PUDP: variants seen among roughly 807,000 people sequenced by gnomAD.
PUDP encodes pseudouridine-5'-phosphatase.
A neutral mutation model predicts 9.4 loss-of-function variants in PUDP; 8 were observed. That is an observed-to-expected ratio of 0.85 (90% confidence interval 0.50 to 1.53). The LOEUF (loss-of-function observed/expected upper bound fraction) is 1.53. Among genes scored for constraint, PUDP ranks in the 40% most tolerant of loss-of-function variants. The probability of loss-of-function intolerance (pLI) is 0.00; values close to 1 mark genes in which losing one functional copy is unlikely to be tolerated. For synonymous variants in PUDP, 99 were observed against 80.7 expected, an observed-to-expected ratio of 1.23 and a Z score of -1.22; for missense variants, 188 against 189.7, an observed-to-expected ratio of 0.99 and a Z score of 0.05.
At chrX:7,086,561 C>T (rs1931269137) in intron 2 of PUDP, among the ~76,000 whole-genome samples, 1 of 112,300 alleles carries the variant, frequency 8.9e-6, no homozygotes, top group South Asian at 3.7e-4. Flanking sequence ...AGAGCCATGC[C>T]TCAGGCTATC....
intron 1 of PUDP, among the ~76,000 whole-genome samples, chrX:7,119,395 T>C (rs1169240464): frequency 8.9e-6 from 1 of 112,751 alleles, no homozygotes; most frequent in African/African-American, 3.2e-5. Context: ...TGAGCCTGCA[T>C]GTAAATGCTA....
chrX:6,798,115 T>C (rs1925872823), intron 3 of PUDP, among the ~76,000 whole-genome samples: 1 of 111,947 alleles, frequency 8.9e-6, no homozygotes, highest in East Asian at 2.8e-4. Context: ...AAAGACTGGG[T>C]AATTTATAAA....
At chrX:6,962,423 TA>T (rs11296212) in intron 3 of PUDP, among the ~76,000 whole-genome samples, 37,754 of 110,971 alleles carry the variant, frequency 0.34, 4,970 homozygotes, top group Non-Finnish European at 0.41. Flanking sequence ...ATCTTCCTTA[TA>T]AAATAGAAGA....
chrX:7,145,859 C>T (rs952268958), intron 1 of PUDP, among the ~76,000 whole-genome samples: 2 of 111,372 alleles, frequency 1.8e-5, no homozygotes, highest in African/African-American at 3.3e-5. Context: ...TCAAAATTCC[C>T]GAAAAACAGA....
chrX:7,105,518 G>C, intron 2 of PUDP, 102 bp downstream of exon 2: 2 of 573,213 alleles, frequency 3.5e-6, no homozygotes, highest in East Asian at 7.3e-5. Context: ...CTGAAGAAAA[G>C]AGGACAAACT....
chrX:7,041,279 G>A lies in PUDP; in HGVS notation c.204+35941C>T, dbSNP rs1257687795. On this transcript the variant is annotated intron_variant and NMD_transcript_variant, in intron 1 of 3. Coordinates refer to the PUDP transcript ENST00000655425. ...AGGAGCTTGCAGTTGCTTCCTGGGCGGGGCCATAAACAAACATCTCTTCTG... is the reference window on the plus strand; with the variant it reads ...AGGAGCTTGCAGTTGCTTCCTGGGCAGGGCCATAAACAAACATCTCTTCTG... Among the ~76,000 whole-genome samples, 6 of 111,448 alleles carry A rather than the reference G, an allele frequency of 5.4e-5. No individual in the cohort carries two copies. The East Asian group carries it at 8.5e-4, about 16-fold the overall frequency.
intron 1 of PUDP, among the ~76,000 whole-genome samples, chrX:7,033,545 T>C (rs887608728): frequency 2.7e-5 from 3 of 112,460 alleles, no homozygotes; most frequent in African/African-American, 9.7e-5. Flanking sequence ...TTGGCATTAA[T>C]TTGTTCAACA....
At chrX:7,075,525 C>G (rs372519714) in intron 3 of PUDP, among the ~76,000 whole-genome samples, 6 of 111,375 alleles carry the variant, frequency 5.4e-5, no homozygotes, top group African/African-American at 1.6e-4. Flanking sequence ...AACAAACAAA[C>G]AAACAAGACT....
At chrX:6,720,429 C>T (rs1281385616) in intron 1 of PUDP, among the ~76,000 whole-genome samples, 1 of 105,416 alleles carries the variant, frequency 9.5e-6, no homozygotes, top group Non-Finnish European at 1.9e-5. Context: ...CATATGATCT[C>T]ACTTAGATTT....
At chrX:6,823,798 A>AT (rs929196374) in intron 3 of PUDP, among the ~76,000 whole-genome samples, 1 of 112,876 alleles carries the variant, frequency 8.9e-6, no homozygotes, top group African/African-American at 3.2e-5. Context: ...AATTCCTGGA[A>AT]TGGAGGGTTC....
At chrX:6,969,245 C>G (rs1250734547) in intron 3 of PUDP, among the ~76,000 whole-genome samples, 1 of 112,316 alleles carries the variant, frequency 8.9e-6, no homozygotes, top group Admixed American at 9.4e-5. Flanking sequence ...TCTATCTGCT[C>G]TTAAAATAGT....
At chrX:6,808,141 T>C (rs1449506596) in intron 3 of PUDP, among the ~76,000 whole-genome samples, 1 of 111,320 alleles carries the variant, frequency 9.0e-6, no homozygotes, top group Non-Finnish European at 1.9e-5. Context: ...ACCACATCTC[T>C]GGGTCCCAGC....
chrX:6,984,546 A>T (rs1929079938), intron 1 of PUDP, among the ~76,000 whole-genome samples: 2 of 111,502 alleles, frequency 1.8e-5, no homozygotes, highest in Non-Finnish European at 3.8e-5. Flanking sequence ...TCTTCCCAAA[A>T]TTCCCTAAAT....
At chrX:6,850,392 A>G (rs1220408506) in intron 3 of PUDP, among the ~76,000 whole-genome samples, 1 of 112,483 alleles carries the variant, frequency 8.9e-6, no homozygotes, top group Non-Finnish European at 1.9e-5. Flanking sequence ...TGGTTGTTCC[A>G]GACAACGTCC....
intron 1 of PUDP, among the ~76,000 whole-genome samples, chrX:7,014,296 C>A (rs1018203274): frequency 4.5e-5 from 5 of 109,951 alleles, no homozygotes; most frequent in Non-Finnish European, 5.7e-5. Flanking sequence ...CCGCGGGTCT[C>A]CAGGCTTGAG....
At chrX:6,965,718 C>G (rs1928773806) in intron 3 of PUDP, among the ~76,000 whole-genome samples, 1 of 112,274 alleles carries the variant, frequency 8.9e-6, no homozygotes, top group Non-Finnish European at 1.9e-5. Flanking sequence ...ACCCAATCCT[C>G]TCTTCATTTG....
rs1465786765 is a variant in PUDP, at chrX:7,057,924, C to T, written c.511-7452G>A. Reference sequence around the variant, plus strand: ...GGAGAAGGGCCCGCGGCTTGTGATGCTCTCGTGTTCCTCCCCAGGTCTCAC... The same window carrying T: ...GGAGAAGGGCCCGCGGCTTGTGATGTTCTCGTGTTCCTCCCCAGGTCTCAC... On this transcript the variant is annotated intron_variant, in intron 3 of 3. Transcript: ENST00000381077. 3 of 541,519 alleles carry T rather than the reference C, an allele frequency of 5.5e-6. No individual in the cohort carries two copies. In the Admixed American group the frequency reaches 9.4e-5, roughly 17 times the overall value. 44.6% of individuals were successfully genotyped at this position (541,519 alleles called of 1,213,427 possible).
chrX:6,720,210 A>G (rs748488232), intron 1 of PUDP, among the ~76,000 whole-genome samples: 63 of 82,401 alleles, frequency 7.6e-4, no homozygotes, highest in Non-Finnish European at 4.7e-4. Context: ...ATATGTGTGT[A>G]TATATATATG....
At chrX:6,923,281 G>A (rs6639714) in intron 3 of PUDP, among the ~76,000 whole-genome samples, 22,871 of 110,499 alleles carry the variant, frequency 0.21, 1,908 homozygotes, top group Admixed American at 0.35. Context: ...TACTTACTAA[G>A]TGTCTCATTC....
Sources: allele counts gnomAD v4.1 joint callset (sites outside exome capture counted in the v4.1 genomes callset), GRCh38; gene constraint gnomAD v4.1.1; transcripts MANE v1.5; gene names NCBI Gene and HGNC (gene_info 2026-07-23, HGNC 2026-07-21).